The following GUCY2C variants were observed in gnomAD, a reference collection of about 807,000 sequenced individuals.
GUCY2C encodes guanylate cyclase 2C, also known as guanylyl cyclase C.
In GUCY2C, 118 loss-of-function variants were observed where a neutral mutation model predicts 131.1. The observed-to-expected ratio is 0.90, with a 90% confidence interval of 0.78 to 1.05. The LOEUF (loss-of-function observed/expected upper bound fraction) is 1.05, where lower values mean the gene tolerates loss of function less well. Ranked by LOEUF, GUCY2C falls within the 50% of genes least tolerant of loss-of-function variation. The pLI is 0.00. For missense variants in GUCY2C, 1,161 were observed against 1,304.4 expected (o/e 0.89, Z 1.69); for synonymous variants, 452 against 457.8 (o/e 0.99, Z 0.16).
Position 14,660,858 on chromosome 12 carries a change from T to C in GUCY2C, c.1364+123A>G, listed in dbSNP as rs530890675. ...TCTTTGATGCAGAATGTCTTCATTA[T>C]CTTAGGTCAGTCTGCAGGCTTCTTT... On this transcript the variant is annotated intron_variant, in intron 11 of 26. Transcript: ENST00000261170. 2.6e-4 allele frequency: 179 copies of C among 696,386 alleles called. No individual in the cohort carries two copies. The African/African-American group carries it at 2.8e-3, about 11-fold the overall frequency. The allele number at this position is 696,386 out of a possible 1,614,324, so 43.1% of individuals were successfully genotyped here.
At chr12:14,648,859 A>C (rs2137033875) in intron 15 of GUCY2C, among the ~76,000 whole-genome samples, 1 of 152,304 alleles carries the variant, frequency 6.6e-6, no homozygotes, top group East Asian at 1.9e-4. Context: ...ATTAATACAG[A>C]TGAAGTCAGT....
intron 16 of GUCY2C, among the ~76,000 whole-genome samples, chr12:14,644,562 C>G (rs1180146656): frequency 2.0e-5 from 3 of 152,192 alleles, no homozygotes; most frequent in Non-Finnish European, 4.4e-5. Flanking sequence ...AAGACTGTAT[C>G]AAACAGCTCC....
At position 14,622,302 on chromosome 12, in the gene GUCY2C, T is replaced by A. The variant is rs889771113; in HGVS notation, c.2409-105A>T. 8 of 668,944 alleles carry A rather than the reference T, an allele frequency of 1.2e-5. No homozygotes were observed. The East Asian group carries it at 1.8e-4, about 15-fold the overall frequency. 41.4% of individuals were successfully genotyped at this position (668,944 alleles called of 1,614,324 possible). A position where few individuals can be genotyped will look rare whatever the true frequency, so the allele number is the denominator to read the frequency against. On this transcript the variant is annotated intron_variant, in intron 21 of 26. Transcript: ENST00000261170. ...TGATTGTCTACCAAGAATTCTAGAA[T>A]TTGAGACTTCCAGTGAATTGAGTGA...
intron 9 of GUCY2C, among the ~76,000 whole-genome samples, chr12:14,671,879 A>G (rs1455649963): frequency 6.6e-6 from 1 of 152,234 alleles, no homozygotes; most frequent in Non-Finnish European, 1.5e-5. Context: ...ACATAACATT[A>G]TATTGAAGGT....
intron 21 of GUCY2C, among the ~76,000 whole-genome samples, chr12:14,623,725 C>T (rs1166849397): frequency 6.6e-6 from 1 of 152,138 alleles, no homozygotes; most frequent in Non-Finnish European, 1.5e-5. Flanking sequence ...TTCCCCATTG[C>T]TGTTCCTGTG....
intron 2 of GUCY2C, among the ~76,000 whole-genome samples, chr12:14,686,530 C>T (rs968087768): frequency 6.6e-6 from 1 of 152,076 alleles, no homozygotes; most frequent in Non-Finnish European, 1.5e-5. Context: ...GAGGCTGTAG[C>T]ATTAGTAGTG....
chr12:14,654,373 A>G (rs1387961162), intron 12 of GUCY2C, among the ~76,000 whole-genome samples: 1 of 152,106 alleles, frequency 6.6e-6, no homozygotes. Flanking sequence ...GGTTTTCTCC[A>G]TGTCTACCTG....
intron 6 of GUCY2C, among the ~76,000 whole-genome samples, chr12:14,677,241 G>T (rs1446105190): frequency 6.6e-6 from 1 of 152,132 alleles, no homozygotes; most frequent in Non-Finnish European, 1.5e-5. Context: ...AGATTTGGGG[G>T]GGCTATGGAC....
At position 14,679,656 on chromosome 12, in the gene GUCY2C, C is replaced by T; in HGVS notation, c.830+1G>A. ...AGGGTTTTTCCAAATGTTATACCTACTTGAAAAGATCCACTAGAATAATGA... is the reference window on the plus strand; with the variant it reads ...AGGGTTTTTCCAAATGTTATACCTATTTGAAAAGATCCACTAGAATAATGA... On this transcript the variant is annotated splice_donor_variant, in intron 6 of 26. Transcript: ENST00000261170. LOFTEE classifies it high-confidence loss of function. 2.7e-6 allele frequency: 4 copies of T among 1,462,968 alleles called. No individual in the cohort carries two copies. The highest frequency in any genetic ancestry group is 3.8e-6 in the Non-Finnish European group (4 of 1,042,160). 90.6% of individuals were successfully genotyped at this position (1,462,968 alleles called of 1,614,324 possible). A position where few individuals can be genotyped will look rare whatever the true frequency, so the allele number is the denominator to read the frequency against.
intron 11 of GUCY2C, among the ~76,000 whole-genome samples, chr12:14,660,489 T>G (rs1156528971): frequency 6.6e-6 from 1 of 152,232 alleles, no homozygotes; most frequent in Admixed American, 6.5e-5. Context: ...GGGTTCTCTT[T>G]CCTCAGGCTA....
intron 15 of GUCY2C, among the ~76,000 whole-genome samples, chr12:14,650,045 G>T (rs1192803076): frequency 2.0e-5 from 3 of 151,870 alleles, no homozygotes; most frequent in African/African-American, 7.3e-5. Flanking sequence ...TCGTGTATTT[G>T]CATGTTTGTT....
intron 24 of GUCY2C, among the ~76,000 whole-genome samples, chr12:14,618,592 G>T (rs1352098472): frequency 6.6e-6 from 1 of 152,138 alleles, no homozygotes; most frequent in East Asian, 1.9e-4. Flanking sequence ...CTTGAGGTCA[G>T]GAGTTTGAGA....
In GUCY2C at chr12:14,613,310, G is replaced by T. The variant is rs1290411414; in HGVS notation, c.3048-19C>A. On this transcript the variant is annotated intron_variant, in intron 26 of 26. Transcript: ENST00000261170. This position sits in a 1 kb window ranked among gnomAD's most constrained non-coding sequence, Gnocchi z 4.9. ...ATTCTCCCTGGAAACAGAGTGGGAA[G>T]AGAAAATAGAACTTCTCAGCAATTC... is the stretch of plus-strand genomic sequence containing the variant. 5 of 1,596,128 alleles carry T rather than the reference G, an allele frequency of 3.1e-6. No homozygotes were observed. Among genetic ancestry groups the T allele is most frequent in the Admixed American group, 1.7e-5 (1 of 59,834 alleles).
intron 26 of GUCY2C, 86 bp downstream of exon 26, chr12:14,614,781 A>G: frequency 1.3e-6 from 1 of 749,142 alleles, no homozygotes; most frequent in Non-Finnish European, 2.2e-6. Flanking sequence ...GCCACTTGTA[A>G]GGCATTTGCC....
chr12:14,627,526 A>G (rs1183860586), intron 20 of GUCY2C, among the ~76,000 whole-genome samples: 1 of 152,186 alleles, frequency 6.6e-6, no homozygotes, highest in African/African-American at 2.4e-5. Flanking sequence ...TTGACTGCAT[A>G]TTTTAATCAC....
rs2136963613 is a variant in GUCY2C, at chr12:14,613,439, A to T, written c.3048-148T>A. 2 of 661,514 alleles carry T rather than the reference A, an allele frequency of 3.0e-6. No individual in the cohort carries two copies. Among genetic ancestry groups the T allele is most frequent in the South Asian group, 3.7e-5 (2 of 54,334 alleles). The allele number at this position is 661,514 out of a possible 1,614,324, so 41.0% of individuals were successfully genotyped here. ...CAGGAAATCCAAAGAATACAAAATGATCCCTGCCTTTGATGAGCTTAAAAA... is the reference window on the plus strand; with the variant it reads ...CAGGAAATCCAAAGAATACAAAATGTTCCCTGCCTTTGATGAGCTTAAAAA... On this transcript the variant is annotated intron_variant, in intron 26 of 26. Transcript: ENST00000261170. This position sits in a 1 kb window ranked among gnomAD's most constrained non-coding sequence, Gnocchi z 4.9.
intron 13 of GUCY2C, among the ~76,000 whole-genome samples, 180 bp from the exon 14 acceptor site, chr12:14,652,210 T>A (rs773386037): frequency 6.6e-6 from 1 of 151,960 alleles, no homozygotes; most frequent in African/African-American, 2.4e-5. Flanking sequence ...AGCCTTGCTC[T>A]GTTGCCCAGG....
chr12:14,613,218 C>T lies in GUCY2C; in HGVS notation c.3121G>A (p.Gly1041Arg). ...CGTCTGGGTTTTTGGCTTCTTATCC[C>T]TGCTGCCTGTCTTTTCTGTAAAGAG... ...ANSLQKRQAAGIRSQKPRRVA... is the reference protein window; with the variant it reads ...ANSLQKRQAARIRSQKPRRVA... Residue 1041 changes from glycine (G) to arginine (R), a missense_variant, in exon 27 of 27, where the codon GGG becomes AGG. Coordinates refer to ENST00000261170, the MANE Select transcript of GUCY2C (RefSeq NM_004963.4). This position sits in a 1 kb window ranked among gnomAD's most constrained non-coding sequence, Gnocchi z 4.9. 1 of 1,613,440 alleles carries T rather than the reference C, an allele frequency of 6.2e-7. No individual in the cohort carries two copies. The highest frequency in any genetic ancestry group is 8.5e-7 in the Non-Finnish European group (1 of 1,179,468).
At position 14,696,394 on chromosome 12, in the gene GUCY2C, AC is replaced by A; in HGVS notation, c.54del (p.Trp19GlyfsTer8). On this transcript the variant is annotated frameshift_variant, in exon 1 of 27. Coordinates refer to ENST00000261170, the MANE Select transcript of GUCY2C (RefSeq NM_004963.4). LOFTEE classifies it high-confidence loss of function. ...LALWSLLFQP[G>X]WLSFSSQVSQ... ...CTCACCTGGGAACTAAAGGACAGCC[AC>A]CCGGGCTGGAAGAGCAGTGACCACA... The A allele has an allele frequency of 6.2e-7, 1 of 1,613,940 alleles. No homozygotes were observed. Among genetic ancestry groups the A allele is most frequent in the South Asian group, 1.1e-5 (1 of 91,076 alleles).
Sources: gnomAD v4.1 joint callset for allele counts (sites outside exome capture counted in the v4.1 genomes callset) on GRCh38, gnomAD v4.1.1 for gene constraint, Gnocchi (gnomAD v3.1) non-coding constraint, MANE v1.5 for transcripts, NCBI Gene and HGNC (gene_info 2026-07-23, HGNC 2026-07-21) for gene names.